Variants in TRAPPC3L observed in about 807,000 individuals in gnomAD.
The protein encoded by TRAPPC3L is trafficking protein particle complex subunit 3-like protein.
In TRAPPC3L, 23 loss-of-function variants were observed where a neutral mutation model predicts 23.7. The observed-to-expected ratio is 0.97, with a 90% confidence interval of 0.70 to 1.37. TRAPPC3L has a LOEUF of 1.37. Ranked by LOEUF, TRAPPC3L falls within the 40% of genes most tolerant of loss-of-function variation. TRAPPC3L has a pLI of 0.00. For missense variants in TRAPPC3L, 212 were observed against 216.8 expected, an observed-to-expected ratio of 0.98 and a Z score of 0.14; for synonymous variants, 81 against 77.9, an observed-to-expected ratio of 1.04 and a Z score of -0.21.
At chr6:116,539,385 A>T (rs887239915) in intron 3 of TRAPPC3L, among the ~76,000 whole-genome samples, 1 of 152,234 alleles carries the variant, frequency 6.6e-6, no homozygotes, top group Non-Finnish European at 1.5e-5. Flanking sequence ...TAGCCATGAA[A>T]TAATACCAGT....
At chr6:116,507,925 A>G (rs1019198257) in intron 3 of TRAPPC3L, among the ~76,000 whole-genome samples, 6 of 152,206 alleles carry the variant, frequency 3.9e-5, no homozygotes, top group Non-Finnish European at 8.8e-5. Context: ...GAGAAGTCAA[A>G]TGACACTGCC....
intron 4 of TRAPPC3L, among the ~76,000 whole-genome samples, chr6:116,498,313 C>T (rs917099244): frequency 1.3e-5 from 2 of 152,138 alleles, no homozygotes; most frequent in East Asian, 1.9e-4. Flanking sequence ...CCACCTCTTC[C>T]TTGATCTCAT....
At chr6:116,504,621 A>G (rs1440024546) in intron 3 of TRAPPC3L, among the ~76,000 whole-genome samples, 1 of 152,190 alleles carries the variant, frequency 6.6e-6, no homozygotes, top group Non-Finnish European at 1.5e-5. Context: ...ACATTAATGC[A>G]AAAATCCTCA....
At chr6:116,506,066 A>T (rs950744999) in intron 3 of TRAPPC3L, among the ~76,000 whole-genome samples, 3 of 152,210 alleles carry the variant, frequency 2.0e-5, no homozygotes, top group African/African-American at 7.2e-5. Flanking sequence ...AGCAACTATC[A>T]TCAGACTGAG....
At chr6:116,500,389 C>G (rs923213141) in intron 4 of TRAPPC3L, 92 bp downstream of exon 4, 7 of 1,181,028 alleles carry the variant, frequency 5.9e-6, no homozygotes, top group South Asian at 1.6e-5. Context: ...ACCAATATAC[C>G]CAGCAAAATG....
rs150335649 is a variant in TRAPPC3L, at chr6:116,496,717, A to G, written c.*237T>C. On this transcript the variant is annotated 3_prime_UTR_variant, in exon 5 of 5. Coordinates refer to ENST00000368602, the MANE Select transcript of TRAPPC3L (RefSeq NM_001139444.3). ...GTAAGATGTGGAATTCCTGCCTGCT[A>G]TCTTGTAAGGAGCTATTTGCATATG... 19 of 423,756 alleles carry G rather than the reference A, an allele frequency of 4.5e-5. No individual in the cohort carries two copies. Among genetic ancestry groups the G allele is most frequent in the African/African-American group, 3.8e-4 (18 of 47,394 alleles). 26.2% of individuals were successfully genotyped at this position (423,756 alleles called of 1,614,324 possible). A position where few individuals can be genotyped will look rare whatever the true frequency, so the allele number is the denominator to read the frequency against.
chr6:116,513,950 T>C (rs1251544687), intron 3 of TRAPPC3L, among the ~76,000 whole-genome samples: 2 of 152,190 alleles, frequency 1.3e-5, no homozygotes, highest in Non-Finnish European at 2.9e-5. Flanking sequence ...AGTTTTCTCA[T>C]AGTTAGTGGT....
At chr6:116,523,439 T>C (rs1449990091) in intron 3 of TRAPPC3L, 1 of 152,258 alleles carries the variant, frequency 6.6e-6, no homozygotes, top group Non-Finnish European at 1.5e-5. Context: ...AAAGCTATTG[T>C]CTTATGCTTA....
At chr6:116,538,127 T>C (rs1773209029) in intron 3 of TRAPPC3L, among the ~76,000 whole-genome samples, 1 of 152,236 alleles carries the variant, frequency 6.6e-6, no homozygotes, top group Admixed American at 6.5e-5. Context: ...TGTTCCCTTA[T>C]GTTCTTCTGA....
At chr6:116,519,845 C>A (rs974646920) in intron 3 of TRAPPC3L, 6 of 152,098 alleles carry the variant, frequency 3.9e-5, no homozygotes, top group Non-Finnish European at 7.4e-5. Flanking sequence ...ATATATGATT[C>A]TTTTGTTTTT....
intron 4 of TRAPPC3L, among the ~76,000 whole-genome samples, chr6:116,497,938 G>T (rs1771857362): frequency 2.6e-5 from 4 of 152,170 alleles, no homozygotes; most frequent in Admixed American, 2.6e-4. Context: ...TAGCTAGCCA[G>T]CCTCAATTTG....
Position 116,545,602 on chromosome 6 carries a change from GT to G in TRAPPC3L, c.-89del. The G allele has an allele frequency of 3.2e-6, 4 of 1,237,596 alleles. No individual in the cohort carries two copies. Among genetic ancestry groups the G allele is most frequent in the Non-Finnish European group, 4.5e-6 (4 of 885,304 alleles). 76.7% of individuals were successfully genotyped at this position (1,237,596 alleles called of 1,614,324 possible). A position where few individuals can be genotyped will look rare whatever the true frequency, so the allele number is the denominator to read the frequency against. Reference sequence around the variant, plus strand: ...GTATCAGTCCATGTCTTTTTGTTTTGTTTTTGTAAGCTCTTCCTCGCTTTGA... The same window carrying G: ...GTATCAGTCCATGTCTTTTTGTTTTGTTTTGTAAGCTCTTCCTCGCTTTGA... On this transcript the variant is annotated 5_prime_UTR_variant, in exon 1 of 5. Transcript: ENST00000368602.
chr6:116,528,376 C>T (rs2145335), intron 3 of TRAPPC3L, among the ~76,000 whole-genome samples: 57,242 of 151,896 alleles, frequency 0.38, 12,423 homozygotes, highest in East Asian at 0.54. Context: ...CTTTTTCACC[C>T]CTCCCAGAGG....
In TRAPPC3L at chr6:116,543,283, A is replaced by G; in HGVS notation, c.140+20T>C. On this transcript the variant is annotated intron_variant, in intron 2 of 4. Coordinates refer to ENST00000368602, the MANE Select transcript of TRAPPC3L (RefSeq NM_001139444.3). ...TAAGAAACAACAGCCATTCAATAAG[A>G]ATGAAGGACTTCCACTTACATTTTA... The G allele has an allele frequency of 1.3e-6, 2 of 1,527,050 alleles. No individual in the cohort carries two copies. Among genetic ancestry groups the G allele is most frequent in the Non-Finnish European group, 1.8e-6 (2 of 1,128,518 alleles). 94.6% of individuals were successfully genotyped at this position (1,527,050 alleles called of 1,614,324 possible).
intron 2 of TRAPPC3L, among the ~76,000 whole-genome samples, chr6:116,542,987 C>A (rs1366371878): frequency 1.3e-5 from 2 of 152,062 alleles, no homozygotes; most frequent in Non-Finnish European, 2.9e-5. Context: ...GATGTTCCCT[C>A]ATGTTGTTAA....
intron 3 of TRAPPC3L, chr6:116,517,346 A>T (rs1772248163): frequency 6.6e-6 from 1 of 152,206 alleles, no homozygotes; most frequent in Non-Finnish European, 1.5e-5. Flanking sequence ...AAATAATGCA[A>T]ATCTTGCATT....
chr6:116,516,393 A>G (rs2637677), intron 3 of TRAPPC3L: 42,944 of 154,976 alleles, frequency 0.28, 7,065 homozygotes, highest in African/African-American at 0.46. Context: ...TGGCTCCTGC[A>G]GTGTGATCAG....
chr6:116,512,825 C>T (rs750454450), intron 3 of TRAPPC3L, among the ~76,000 whole-genome samples: 2 of 152,122 alleles, frequency 1.3e-5, no homozygotes, highest in Non-Finnish European at 2.9e-5. Context: ...TTTTAAATAG[C>T]CTTCTGTGAA....
chr6:116,517,135 C>G (rs942626285), intron 3 of TRAPPC3L: 1 of 152,068 alleles, frequency 6.6e-6, no homozygotes, highest in Non-Finnish European at 1.5e-5. Context: ...TTCCTGGAGG[C>G]TCCACCTTCA....
Sources: allele counts gnomAD v4.1 joint callset (sites outside exome capture counted in the v4.1 genomes callset), GRCh38; gene constraint gnomAD v4.1.1; transcripts MANE v1.5; gene names NCBI Gene and HGNC (gene_info 2026-07-23, HGNC 2026-07-21).